CCR3: variants seen among roughly 807,000 people sequenced by gnomAD.
CCR3 encodes C-C motif chemokine receptor 3, also known as C-C chemokine receptor type 3.
For missense variants in CCR3, 419 were observed against 437.5 expected, an observed-to-expected ratio of 0.96 and a Z score of 0.38; for synonymous variants, 203 against 179.2, an observed-to-expected ratio of 1.13 and a Z score of -1.06.
At chr3:46,264,304 G>A in intron 1 of CCR3, 1 of 912,300 alleles carries the variant, frequency 1.1e-6, no homozygotes, top group Non-Finnish European at 1.7e-6. Context: ...CTAAACTAAT[G>A]CTGCTTATAA....
intron 2 of CCR3, among the ~76,000 whole-genome samples, chr3:46,232,449 T>C (rs1309052843): frequency 6.6e-6 from 1 of 152,188 alleles, no homozygotes; most frequent in Non-Finnish European, 1.5e-5. Flanking sequence ...TAGACTGTTC[T>C]GCAGCCTGAG....
upstream of CCR3, among the ~76,000 whole-genome samples, chr3:46,239,412 T>C (rs1012429477): frequency 2.6e-5 from 4 of 152,228 alleles, no homozygotes; most frequent in Admixed American, 2.6e-4. Flanking sequence ...GTAATTGTGA[T>C]TATTTATCAA....
intron 2 of CCR3, among the ~76,000 whole-genome samples, chr3:46,227,357 G>C (rs1699913147): frequency 6.6e-6 from 1 of 151,820 alleles, no homozygotes; most frequent in South Asian, 2.1e-4. Context: ...TTCTGATATT[G>C]GTGATTTATG....
chr3:46,238,951 C>T (rs1404483029), upstream of CCR3, among the ~76,000 whole-genome samples: 1 of 152,074 alleles, frequency 6.6e-6, no homozygotes, highest in Non-Finnish European at 1.5e-5. Flanking sequence ...ATAAGGGAGT[C>T]ATTGATTGAA....
At chr3:46,242,963 G>GTATCTATATATATATACACATATATA (rs1700111312) in intron 1 of CCR3, among the ~76,000 whole-genome samples, 1 of 86,298 alleles carries the variant, frequency 1.2e-5, no homozygotes, top group African/African-American at 4.7e-5. Flanking sequence ...ATATATATGT[G>GTATCTATATATATATACACATATATA]TATATATATA....
At chr3:46,253,981 A>C (rs900651119) in intron 1 of CCR3, among the ~76,000 whole-genome samples, 1 of 151,822 alleles carries the variant, frequency 6.6e-6, no homozygotes, top group African/African-American at 2.4e-5. Context: ...AGAATGAGAC[A>C]GTTCTACAAG....
At chr3:46,231,701 T>C (rs1699968012) in intron 2 of CCR3, among the ~76,000 whole-genome samples, 2 of 152,224 alleles carry the variant, frequency 1.3e-5, no homozygotes, top group African/African-American at 2.4e-5. Flanking sequence ...TAGATTATGA[T>C]GAGGGTTTCA....
chr3:46,239,448 C>G (rs529384314), upstream of CCR3, among the ~76,000 whole-genome samples: 1 of 152,258 alleles, frequency 6.6e-6, no homozygotes, highest in African/African-American at 2.4e-5. Flanking sequence ...TTCATCTTAG[C>G]CAAAATTTCC....
chr3:46,256,817 C>T (rs1029824557), intron 1 of CCR3, among the ~76,000 whole-genome samples: 2 of 152,034 alleles, frequency 1.3e-5, no homozygotes, highest in Non-Finnish European at 2.9e-5. Context: ...TGAGATCAAT[C>T]GAGAATCATG....
At chr3:46,258,036 C>G (rs1408165510) in intron 1 of CCR3, among the ~76,000 whole-genome samples, 1 of 152,188 alleles carries the variant, frequency 6.6e-6, no homozygotes, top group African/African-American at 2.4e-5. Context: ...TCTCTTCAGG[C>G]CCCCAGCTGA....
At chr3:46,243,006 C>CATATATATATATATATAT (rs1559531100) in intron 1 of CCR3, among the ~76,000 whole-genome samples, 1 of 77,622 alleles carries the variant, frequency 1.3e-5, no homozygotes, top group Admixed American at 1.2e-4. Context: ...TATATATACG[C>CATATATATATATATATAT]ACACACACAT....
intron 2 of CCR3, among the ~76,000 whole-genome samples, chr3:46,224,362 T>A (rs1699870051): frequency 6.6e-6 from 1 of 152,074 alleles, no homozygotes; most frequent in Non-Finnish European, 1.5e-5. Context: ...TTTGGGAGGC[T>A]GAGGCAGGCA....
chr3:46,256,479 T>G (rs1332445928), intron 1 of CCR3, among the ~76,000 whole-genome samples: 1 of 152,082 alleles, frequency 6.6e-6, no homozygotes, highest in African/African-American at 2.4e-5. Flanking sequence ...AAAACAATAA[T>G]TTAAAAGACA....
At chr3:46,238,344 A>G (rs1700043667), upstream of CCR3, among the ~76,000 whole-genome samples, 1 of 152,168 alleles carries the variant, frequency 6.6e-6, no homozygotes, top group African/African-American at 2.4e-5. Flanking sequence ...CAATGTTGAC[A>G]GTCTTGTGTG....
intron 1 of CCR3, among the ~76,000 whole-genome samples, chr3:46,245,288 C>T (rs1033659504): frequency 6.6e-5 from 10 of 150,420 alleles, no homozygotes; most frequent in East Asian, 5.8e-4. Flanking sequence ...TCCCTCATTC[C>T]GTTCCTGCAC....
chr3:46,261,856 T>TGGAGGC (rs1344300510), intron 1 of CCR3, among the ~76,000 whole-genome samples: 2 of 152,136 alleles, frequency 1.3e-5, no homozygotes, highest in African/African-American at 4.8e-5. Flanking sequence ...AGGGCCCTGG[T>TGGAGGC]GGAGGCGTAG....
Position 46,214,155 on chromosome 3 carries a change from T to C in CCR3, c.-68+3248T>C, listed in dbSNP as rs1449430060. Among the ~76,000 whole-genome samples the C allele has an allele frequency of 3.9e-5, 6 of 152,344 alleles. No individual in the cohort carries two copies. The South Asian group carries it at 8.3e-4, about 21-fold the overall frequency. ...ACATTATTTCACACCTTTTGCCTTT[T>C]CCTTAAACCTCCAACACCACCTGTT... On this transcript the variant is annotated intron_variant, in intron 2 of 3. Transcript: ENST00000357422.
Position 46,265,409 on chromosome 3 carries a change from T to G in CCR3, c.251T>G (p.Leu84Arg), listed in dbSNP as rs201166995. Residue 84 changes from leucine (L) to arginine (R), a missense_variant, in exon 2 of 2, where the codon CTC becomes CGC. Coordinates refer to ENST00000395940, the MANE Select transcript of CCR3 (RefSeq NM_178329.3). Reference sequence around the variant, plus strand: ...CTGGCCATTTCGGACCTGCTCTTCCTCGTCACCCTTCCATTCTGGATCCAC... The same window carrying G: ...CTGGCCATTTCGGACCTGCTCTTCCGCGTCACCCTTCCATTCTGGATCCAC... ...LNLAISDLLF[L>R]VTLPFWIHYV... 3 of 1,614,088 alleles carry G rather than the reference T, an allele frequency of 1.9e-6. No homozygotes were observed. Among genetic ancestry groups the G allele is most frequent in the Non-Finnish European group, 2.5e-6 (3 of 1,180,020 alleles).
intron 2 of CCR3, among the ~76,000 whole-genome samples, chr3:46,234,420 G>A (rs915290187): frequency 5.3e-5 from 8 of 152,136 alleles, no homozygotes; most frequent in African/African-American, 7.2e-5. Flanking sequence ...TGACATCTGT[G>A]AAACATCAGA....
Sources: gnomAD v4.1 joint callset for allele counts (sites outside exome capture counted in the v4.1 genomes callset) on GRCh38, gnomAD v4.1.1 for gene constraint, MANE v1.5 for transcripts, NCBI Gene and HGNC (gene_info 2026-07-23, HGNC 2026-07-21) for gene names.